Variants in NEGR1 observed in about 807,000 individuals in gnomAD.
NEGR1 encodes neuronal growth regulator 1, also known as IgLON family member 4.
Under a neutral mutation model 40.9 loss-of-function variants are expected in NEGR1, and 10 were observed. The observed-to-expected ratio is 0.24, with a 90% confidence interval of 0.15 to 0.42. The LOEUF (loss-of-function observed/expected upper bound fraction) is 0.42. Ranked by LOEUF, NEGR1 falls within the 10% of genes least tolerant of loss-of-function variation. NEGR1 has a pLI of 1.00. For missense variants in NEGR1, 352 were observed against 438.9 expected, an observed-to-expected ratio of 0.80 and a Z score of 1.77; for synonymous variants, 185 against 166.8, an observed-to-expected ratio of 1.11 and a Z score of -0.84.
At chr1:72,116,047 A>G (rs1218679708) in intron 1 of NEGR1, among the ~76,000 whole-genome samples, 2 of 151,750 alleles carry the variant, frequency 1.3e-5, no homozygotes, top group Admixed American at 1.3e-4. Context: ...CAAAAGGTGA[A>G]TATTATGTCA....
chr1:71,486,434 C>T lies in NEGR1; in HGVS notation c.941-78864G>A, dbSNP rs183091904. On this transcript the variant is annotated intron_variant, in intron 6 of 6. Coordinates refer to ENST00000357731, the MANE Select transcript of NEGR1 (RefSeq NM_173808.3). Reference sequence around the variant, plus strand: ...TGAAAGAAGAGGGCAAAACTCAACCCGTCTCTTTAGACTTGGGAAGAATAT... The same window carrying T: ...TGAAAGAAGAGGGCAAAACTCAACCTGTCTCTTTAGACTTGGGAAGAATAT... The T allele has an allele frequency of 3.3e-5, 5 of 151,404 alleles. No homozygotes were observed. In the East Asian group the frequency reaches 9.8e-4, roughly 30 times the overall value. The allele number at this position is 151,404 out of a possible 1,614,324, so 9.4% of individuals were successfully genotyped here.
intron 1 of NEGR1, among the ~76,000 whole-genome samples, chr1:72,196,978 A>G (rs1434856694): frequency 6.6e-6 from 1 of 151,924 alleles, no homozygotes; most frequent in Non-Finnish European, 1.5e-5. Flanking sequence ...ATAATTTTGG[A>G]CAACTAATCA....
intron 1 of NEGR1, among the ~76,000 whole-genome samples, chr1:72,208,269 T>A (rs1653481058): frequency 6.6e-6 from 1 of 151,752 alleles, no homozygotes; most frequent in Admixed American, 6.6e-5. Context: ...AAAATCAGTT[T>A]ATGCAATTTA....
At chr1:72,278,442 C>T (rs1258934655) in intron 1 of NEGR1, among the ~76,000 whole-genome samples, 2 of 151,958 alleles carry the variant, frequency 1.3e-5, no homozygotes, top group African/African-American at 2.4e-5. Flanking sequence ...TGAGAATGTT[C>T]GTAGTATTGT....
chr1:71,397,447 C>G lies in NEGR1; in HGVS notation c.*9999G>C, dbSNP rs1646219810. On this transcript the variant is annotated 3_prime_UTR_variant, in exon 7 of 7. Coordinates refer to ENST00000357731, the MANE Select transcript of NEGR1 (RefSeq NM_173808.3). ...GTTCAAGCAATTCTTCTGCTTCAGC[C>G]TCCCAAGCAGTTGAGATTACAGGCA... 1 of 152,594 alleles carries G rather than the reference C, an allele frequency of 6.6e-6. No individual in the cohort carries two copies. The highest frequency in any genetic ancestry group is 2.4e-5 in the African/African-American group (1 of 41,444). The allele number at this position is 152,594 out of a possible 1,614,324, so 9.5% of individuals were successfully genotyped here.
At chr1:71,540,218 TTTCAGCAAACTC>T (rs1647645897) in intron 6 of NEGR1, among the ~76,000 whole-genome samples, 1 of 151,790 alleles carries the variant, frequency 6.6e-6, no homozygotes, top group Non-Finnish European at 1.5e-5. Flanking sequence ...ATGTCTTAGT[TTTCAGCAAACTC>T]ACTTGGTTTT....
intron 1 of NEGR1, among the ~76,000 whole-genome samples, chr1:72,049,928 C>G (rs1458160361): frequency 2.0e-5 from 3 of 151,438 alleles, no homozygotes; most frequent in African/African-American, 7.3e-5. Context: ...AGTAAAGTAC[C>G]TGTATTTTTG....
At position 71,701,102 on chromosome 1, in the gene NEGR1, G is replaced by A. The variant is rs115739273; in HGVS notation, c.536-2963C>T. Among the ~76,000 whole-genome samples, 1,033 of 152,094 alleles carry A rather than the reference G, an allele frequency of 6.8e-3. 11 individuals carry two copies. Among genetic ancestry groups the A allele is most frequent in the African/African-American group, 0.023 (970 of 41,522 alleles). ...TTGCTTTGAGTCTGATGAGACCAGT[G>A]CTGAGCTTCTGACATACAGAATTGA... is the stretch of plus-strand genomic sequence containing the variant. On this transcript the variant is annotated intron_variant, in intron 3 of 6. Transcript: ENST00000357731.
chr1:72,237,570 G>T (rs919091253), intron 1 of NEGR1, among the ~76,000 whole-genome samples: 1 of 151,866 alleles, frequency 6.6e-6, no homozygotes, highest in Non-Finnish European at 1.5e-5. Flanking sequence ...CAAATATTCA[G>T]ATCATAGCCA....
chr1:71,965,010 GT>G (rs1410811605), intron 1 of NEGR1, among the ~76,000 whole-genome samples: 1 of 152,008 alleles, frequency 6.6e-6, no homozygotes, highest in East Asian at 1.9e-4. Context: ...TTAGTTGTTG[GT>G]TTAGTAGTAG....
chr1:71,625,250 A>T (rs1650733075), intron 4 of NEGR1, among the ~76,000 whole-genome samples: 1 of 151,702 alleles, frequency 6.6e-6, no homozygotes, highest in Non-Finnish European at 1.5e-5. Flanking sequence ...TTTTGTGTGT[A>T]TGATACCTTA....
At position 71,444,920 on chromosome 1, in the gene NEGR1, G is replaced by A. The variant is rs570287785; in HGVS notation, c.941-37350C>T. On this transcript the variant is annotated intron_variant, in intron 6 of 6. Transcript: ENST00000357731. ...TATATATTTTGAGCAACTACTATGT[G>A]CCAAGCACTATTCTAGACATTGGAG... Among the ~76,000 whole-genome samples, 10 of 152,252 alleles carry A rather than the reference G, an allele frequency of 6.6e-5. No homozygotes were observed. In the South Asian group the frequency reaches 1.9e-3, roughly 28 times the overall value.
chr1:71,430,729 C>T (rs1329074661), intron 6 of NEGR1, among the ~76,000 whole-genome samples: 23 of 104,890 alleles, frequency 2.2e-4, no homozygotes, highest in East Asian at 2.1e-3. Flanking sequence ...TTTTTTGAGA[C>T]GGAGTCTCGC....
At chr1:72,166,084 A>G (rs1283831368) in intron 1 of NEGR1, among the ~76,000 whole-genome samples, 1 of 152,022 alleles carries the variant, frequency 6.6e-6, no homozygotes, top group Non-Finnish European at 1.5e-5. Context: ...ATCTCCTTTT[A>G]TCTATGTGCC....
chr1:71,873,629 T>C (rs769788774), intron 2 of NEGR1, among the ~76,000 whole-genome samples: 3 of 152,158 alleles, frequency 2.0e-5, no homozygotes, highest in African/African-American at 4.8e-5. Flanking sequence ...ATATTCACAC[T>C]TTATTGTTGT....
chr1:71,517,535 G>A (rs199653141), intron 6 of NEGR1, among the ~76,000 whole-genome samples: 1 of 140,358 alleles, frequency 7.1e-6, no homozygotes, highest in South Asian at 2.3e-4. Flanking sequence ...AACCCTTCAT[G>A]CTAAAAACTC....
intron 6 of NEGR1, among the ~76,000 whole-genome samples, chr1:71,503,510 C>T (rs74088136): frequency 0.015 from 2,274 of 152,252 alleles, 46 homozygotes; most frequent in African/African-American, 0.052. Context: ...GCTGAACCAA[C>T]TGCTTCTTTA....
intron 1 of NEGR1, among the ~76,000 whole-genome samples, chr1:72,017,765 T>C (rs1249754927): frequency 1.3e-5 from 2 of 152,110 alleles, no homozygotes; most frequent in East Asian, 1.9e-4. Context: ...AGTTGTTTTA[T>C]ACATCAGCAC....
chr1:71,723,911 T>A (rs531309298), intron 3 of NEGR1, among the ~76,000 whole-genome samples: 1 of 152,026 alleles, frequency 6.6e-6, no homozygotes, highest in Non-Finnish European at 1.5e-5. Context: ...TTGAATTAAA[T>A]CCTTGGACAC....
Sources: allele counts gnomAD v4.1 joint callset (sites outside exome capture counted in the v4.1 genomes callset), GRCh38; gene constraint gnomAD v4.1.1; transcripts MANE v1.5; gene names NCBI Gene and HGNC (gene_info 2026-07-23, HGNC 2026-07-21).